The following XPO1 variants were observed in gnomAD, a reference collection of about 807,000 sequenced individuals.
XPO1 encodes the protein exportin-1.
Under a neutral mutation model 133.3 loss-of-function variants are expected in XPO1, and 5 were observed. The observed-to-expected ratio is 0.04, with a 90% CI of 0.02 to 0.08. XPO1 has a LOEUF of 0.08. Among genes scored for constraint, XPO1 ranks in the 10% least tolerant of loss-of-function variants. XPO1 has a pLI of 1.00. For missense variants in XPO1, 506 were observed against 1,267.5 expected, an observed-to-expected ratio of 0.40 and a Z score of 9.12; for synonymous variants, 419 against 408.2, an observed-to-expected ratio of 1.03 and a Z score of -0.32.
rs1491506588 is a variant in XPO1 at position 61,482,033 on chromosome 2, C to CTTTTTTTTTT, written c.2972+346_2972+347insAAAAAAAAAA. ...TACAGTCATGAGCCACCGTGCGTGG[C>CTTTTTTTTTT]CTTTTTTTTTTTTTTTTTTTTTTTG... On this transcript the variant is annotated intron_variant, in intron 23 of 24. Coordinates refer to ENST00000401558, the MANE Select transcript of XPO1 (RefSeq NM_003400.4). Among the ~76,000 whole-genome samples, 223 of 86,798 alleles carry CTTTTTTTTTT rather than the reference C, an allele frequency of 2.6e-3. 46 individuals are homozygous for CTTTTTTTTTT. The highest frequency in any genetic ancestry group is 0.018 in the East Asian group (49 of 2,686). 56.9% of individuals were successfully genotyped at this position (86,798 alleles called of 152,430 possible).
intron 12 of XPO1, 89 bp downstream of exon 12, chr2:61,493,805 A>G (rs1228293255): frequency 1.1e-5 from 15 of 1,389,644 alleles, no homozygotes; most frequent in African/African-American, 1.5e-5. Context: ...TTTATAGCTA[A>G]TTTATTTACA....
intron 4 of XPO1, among the ~76,000 whole-genome samples, chr2:61,521,857 G>A (rs1057482387): frequency 6.6e-6 from 1 of 151,708 alleles, no homozygotes; most frequent in African/African-American, 2.4e-5. Flanking sequence ...TTGGCTCAAG[G>A]GATCCTCCTA....
intron 16 of XPO1, among the ~76,000 whole-genome samples, chr2:61,491,694 G>C (rs1332072488): frequency 6.6e-6 from 1 of 152,112 alleles, no homozygotes; most frequent in African/African-American, 2.4e-5. Context: ...AGGAGTTCAA[G>C]ACCAGCCTGG....
Position 61,491,971 on chromosome 2 carries a change from GA to G in XPO1, c.1887+63del. 3.2e-6 allele frequency: 5 copies of G among 1,566,082 alleles called. No individual in the cohort carries two copies. In the Admixed American group the frequency reaches 9.0e-5, roughly 28 times the overall value. On this transcript the variant is annotated intron_variant, in intron 16 of 24. Coordinates refer to ENST00000401558, the MANE Select transcript of XPO1 (RefSeq NM_003400.4). ...CAATAGTTGCCCTCCTATTTCCATT[GA>G]TACATACAGATTGATACAAGTGTTA...
intron 4 of XPO1, among the ~76,000 whole-genome samples, chr2:61,520,795 G>A (rs532824335): frequency 3.3e-5 from 5 of 152,242 alleles, no homozygotes; most frequent in Admixed American, 6.5e-5. Context: ...AAACAGAGAT[G>A]CAGATTTAAG....
chr2:61,499,273 C>A (rs991701258), intron 7 of XPO1, among the ~76,000 whole-genome samples: 1 of 152,286 alleles, frequency 6.6e-6, no homozygotes, highest in Non-Finnish European at 1.5e-5. Flanking sequence ...TGAGGCCAGG[C>A]TCTGTGGCAT....
chr2:61,518,220 T>A (rs1243436642), intron 4 of XPO1, among the ~76,000 whole-genome samples: 3 of 151,276 alleles, frequency 2.0e-5, no homozygotes, highest in African/African-American at 7.3e-5. Context: ...ACCACTGTAC[T>A]CCAGCCTGAG....
chr2:61,488,903 C>T, intron 17 of XPO1, 132 bp from the exon 18 acceptor site: 1 of 913,524 alleles, frequency 1.1e-6, no homozygotes, highest in Non-Finnish European at 1.7e-6. Flanking sequence ...AGATCGGGAC[C>T]ATCCTGGATA....
rs61072503 is a variant in XPO1, at chr2:61,491,459, AACACACACACAC to A, written c.1887+564_1887+575del. 2.0e-3 allele frequency among the ~76,000 whole-genome samples: 283 copies of A among 143,008 alleles called. 1 individual carries two copies. The highest frequency in any genetic ancestry group is 3.5e-3 in the Middle Eastern group (1 of 286). The allele number at this position is 143,008 out of a possible 152,430, so 93.8% of individuals were successfully genotyped here. A position where few individuals can be genotyped will look rare whatever the true frequency, so the allele number is the denominator to read the frequency against. ...GAGTGAAACTCCATCTCAAAAAACA[AACACACACACAC>A]ACACACACACACACACACACACACA... On this transcript the variant is annotated intron_variant, in intron 16 of 24. Transcript: ENST00000401558.
chr2:61,491,947 A>G (rs371364121), intron 16 of XPO1, 88 bp downstream of exon 16: 5 of 1,455,648 alleles, frequency 3.4e-6, no homozygotes, highest in African/African-American at 1.4e-5. Flanking sequence ...TATTGGATCC[A>G]ATAGTTGCCC....
At chr2:61,493,362 T>A (rs12473030) in intron 12 of XPO1, 136,074 of 217,100 alleles carry the variant, frequency 0.63, 43,064 homozygotes, top group Middle Eastern at 0.72. Flanking sequence ...ATTTAAAATT[T>A]GCTAGGCATG....
chr2:61,508,152 C>T (rs757163794), intron 4 of XPO1, among the ~76,000 whole-genome samples: 6 of 151,224 alleles, frequency 4.0e-5, no homozygotes, highest in African/African-American at 7.3e-5. Context: ...TCACCTGAGG[C>T]GGAATTCAAG....
chr2:61,530,018 A>C (rs954810067), intron 2 of XPO1, among the ~76,000 whole-genome samples: 22 of 152,248 alleles, frequency 1.4e-4, no homozygotes, highest in African/African-American at 4.8e-4. Context: ...AGAAGGCCGA[A>C]AGAATAATGA....
intron 4 of XPO1, among the ~76,000 whole-genome samples, chr2:61,510,575 C>T (rs1698040359): frequency 6.6e-6 from 1 of 152,124 alleles, no homozygotes; most frequent in African/African-American, 2.4e-5. Context: ...GCCTCAAACA[C>T]ACTGGACAAA....
chr2:61,514,301 T>C (rs986944670), intron 4 of XPO1, among the ~76,000 whole-genome samples: 1 of 150,916 alleles, frequency 6.6e-6, no homozygotes, highest in South Asian at 2.1e-4. Flanking sequence ...CTACTCCACA[T>C]GGAAATTAAG....
At chr2:61,518,357 C>T (rs1401376062) in intron 4 of XPO1, among the ~76,000 whole-genome samples, 1 of 151,152 alleles carries the variant, frequency 6.6e-6, no homozygotes, top group Non-Finnish European at 1.5e-5. Context: ...TCGAGACCAT[C>T]CTGGCTAACA....
intron 6 of XPO1, among the ~76,000 whole-genome samples, chr2:61,501,721 C>CA (rs34659499): frequency 0.21 from 23,566 of 111,230 alleles, 3,170 homozygotes; most frequent in African/African-American, 0.41. Context: ...AGACTGTCTC[C>CA]AAAAAAAAAA....
At chr2:61,520,707 TAC>T (rs529624616) in intron 4 of XPO1, among the ~76,000 whole-genome samples, 57 of 152,286 alleles carry the variant, frequency 3.7e-4, no homozygotes, top group Middle Eastern at 3.4e-3. Flanking sequence ...CAAATGTAAC[TAC>T]AGTGTTGATA....
rs377512621 is a variant in XPO1, at chr2:61,503,675, C to G, written c.302-1365G>C. 2.0e-4 allele frequency among the ~76,000 whole-genome samples: 30 copies of G among 152,168 alleles called. No homozygotes were observed. In the East Asian group the frequency reaches 2.9e-3, roughly 15 times the overall value. On this transcript the variant is annotated intron_variant, in intron 4 of 24. Coordinates refer to ENST00000401558, the MANE Select transcript of XPO1 (RefSeq NM_003400.4). ...TCCTGACCTCGTGATCTGCCTGCCT[C>G]GGCCTCCCAAAGTGCTGGGATTACA...
Sources: gnomAD v4.1 joint callset for allele counts (sites outside exome capture counted in the v4.1 genomes callset) on GRCh38, gnomAD v4.1.1 for gene constraint, MANE v1.5 for transcripts, NCBI Gene and HGNC (gene_info 2026-07-23, HGNC 2026-07-21) for gene names.